The following RAB11FIP5 variants were observed in gnomAD, a reference collection of about 807,000 sequenced individuals.
RAB11FIP5 encodes RAB11 family interacting protein 5.
Under a neutral mutation model 85.1 loss-of-function variants are expected in RAB11FIP5, and 48 were observed. The observed-to-expected ratio is 0.56, with a 90% CI of 0.45 to 0.72. The LOEUF is 0.72. Among genes scored for constraint, RAB11FIP5 ranks in the 30% least tolerant of loss-of-function variants. The pLI is 0.00. For missense variants in RAB11FIP5, 1,491 were observed against 1,687.0 expected, an observed-to-expected ratio of 0.88 and a Z score of 2.04; for synonymous variants, 729 against 727.3, an observed-to-expected ratio of 1.00 and a Z score of -0.04.
intron 1 of RAB11FIP5, among the ~76,000 whole-genome samples, chr2:73,102,504 T>A (rs1449346931): frequency 3.3e-5 from 5 of 152,176 alleles, no homozygotes; most frequent in African/African-American, 1.2e-4. Flanking sequence ...AATTTTTTTT[T>A]AAGCCTGAAC....
intron 1 of RAB11FIP5, among the ~76,000 whole-genome samples, chr2:73,106,506 C>T (rs1684529497): frequency 6.6e-6 from 1 of 152,194 alleles, no homozygotes; most frequent in Non-Finnish European, 1.5e-5. Flanking sequence ...GAATCTCTCC[C>T]CCACCAGTGG....
Position 73,088,778 on chromosome 2 carries a change from G to A in RAB11FIP5, c.869-29C>T, listed in dbSNP as rs199971537. ...CAGGGGAAACACACAGAGTTAGCTC[G>A]CAGGAAGAGAGGCCCCATTTCCTGG... is the stretch of plus-strand genomic sequence containing the variant. On this transcript the variant is annotated intron_variant, in intron 2 of 5. Transcript: ENST00000486777. 69 of 1,548,618 alleles carry A rather than the reference G, an allele frequency of 4.5e-5. No individual in the cohort carries two copies. The East Asian group carries it at 6.3e-4, about 14-fold the overall frequency.
intron 1 of RAB11FIP5, 47 bp downstream of exon 1, chr2:73,112,300 C>T: frequency 6.7e-7 from 1 of 1,496,820 alleles, no homozygotes; most frequent in South Asian, 1.3e-5. Flanking sequence ...CCAGCCCCGC[C>T]CTGTTAGGCC....
rs1250413962 is a variant in RAB11FIP5 at position 73,081,068 on chromosome 2, G to C, written c.2164C>G (p.Pro722Ala). Reference protein sequence around the residue: ...GRGGSSVWLEPRVPLDLGPNH... With the variant: ...GRGGSSVWLEARVPLDLGPNH... ...GGTCCCAAGTCCAGAGGAACCCTGG[G>C]CTCCAGCCACACGCTGCTCCCACCT... The change falls in exon 4 of 6, where the codon CCC (proline) becomes GCC (alanine). Residue 722 changes from proline to alanine, a missense_variant. Around this residue, in one of 3 missense-constraint regions of RAB11FIP5, gnomAD observed 1,211 missense variants for 1,338.0 expected, o/e 0.91. Transcript: ENST00000486777. This position sits in a 1 kb window ranked among gnomAD's most constrained non-coding sequence, Gnocchi z 4.2. 8.1e-7 allele frequency: 1 copy of C among 1,232,680 alleles called. No individual in the cohort carries two copies. The highest frequency in any genetic ancestry group is 4.2e-5 in the Admixed American group (1 of 23,658). 76.4% of individuals were successfully genotyped at this position (1,232,680 alleles called of 1,614,324 possible).
intron 1 of RAB11FIP5, among the ~76,000 whole-genome samples, chr2:73,098,248 A>C (rs992672823): frequency 3.3e-5 from 5 of 152,172 alleles, no homozygotes; most frequent in Non-Finnish European, 5.9e-5. Context: ...TGAAATCTGA[A>C]ATGCTCCAAA....
In RAB11FIP5 at chr2:73,112,787, G is replaced by A. The variant is rs1324815573; in HGVS notation, c.-10C>T. The A allele has an allele frequency of 7.0e-7, 1 of 1,420,064 alleles. No individual in the cohort carries two copies. Among genetic ancestry groups the A allele is most frequent in the East Asian group, 2.8e-5 (1 of 35,806 alleles). The allele number at this position is 1,420,064 out of a possible 1,614,324, so 88.0% of individuals were successfully genotyped here. ...CCCGCACCAGGGCCATGGCGGAGAA[G>A]CGGGGGGCGAGGTCTGGCCGAGCCG... is the stretch of plus-strand genomic sequence containing the variant. On this transcript the variant is annotated 5_prime_UTR_variant, in exon 1 of 6. Coordinates refer to ENST00000486777, the MANE Select transcript of RAB11FIP5 (RefSeq NM_001371272.1).
chr2:73,089,245 A>T lies in RAB11FIP5; in HGVS notation c.502T>A (p.Phe168Ile). 6.2e-7 allele frequency: 1 copy of T among 1,614,100 alleles called. No homozygotes were observed. Among genetic ancestry groups the T allele is most frequent in the African/African-American group, 1.3e-5 (1 of 75,034 alleles). ...CTGGCGCTCAGGTTGTTGCGCGTGA[A>T]CTGGATGGTGACTTCAATCTCGCCG... ...ERGEIEVTIQ[F>I]TRNNLSASMF... Residue 168 changes from phenylalanine to isoleucine, a missense_variant, in exon 2 of 6, where the codon TTC becomes ATC. Around this residue, in one of 3 missense-constraint regions of RAB11FIP5, gnomAD observed 1,211 missense variants for 1,338.0 expected, o/e 0.91. Coordinates refer to ENST00000486777, the MANE Select transcript of RAB11FIP5 (RefSeq NM_001371272.1). The surrounding 1 kb of genome is among the most constrained non-coding windows in gnomAD (Gnocchi z 4.6).
intron 1 of RAB11FIP5, among the ~76,000 whole-genome samples, chr2:73,110,551 T>C (rs1374624783): frequency 4.0e-5 from 6 of 151,774 alleles, no homozygotes; most frequent in Admixed American, 3.3e-4. Flanking sequence ...GGAAAGATCC[T>C]GGTGGAAAAG....
Position 73,088,601 on chromosome 2 carries a change from A to G in RAB11FIP5, c.1017T>C (p.Asn339=), listed in dbSNP as rs756405843. The stretch of plus-strand genomic sequence containing the variant: ...GCTCCTCATTGTAAATGTGGCTCCC[A>G]TTGACACAGAGCGAAGAGCGGGAGG... The part of the protein sequence containing the change: ...DAASRSSLCV[N]GSHIYNEEPQ... Residue 339 remains asparagine, a synonymous_variant, in exon 3 of 6, where the codon AAT becomes AAC. Coordinates refer to ENST00000486777, the MANE Select transcript of RAB11FIP5 (RefSeq NM_001371272.1). 6.2e-7 allele frequency: 1 copy of G among 1,613,616 alleles called. No homozygotes were observed. Among genetic ancestry groups the G allele is most frequent in the Non-Finnish European group, 8.5e-7 (1 of 1,180,040 alleles).
chr2:73,110,178 T>C (rs1684610127), intron 1 of RAB11FIP5, among the ~76,000 whole-genome samples: 1 of 152,186 alleles, frequency 6.6e-6, no homozygotes, highest in South Asian at 2.1e-4. Context: ...CTCCTGGAGT[T>C]AAAGAATGGA....
At position 73,089,890 on chromosome 2, in the gene RAB11FIP5, C is replaced by T. The variant is rs1260664954; in HGVS notation, c.432-575G>A. ...ATACACTCATGTATGTATACACACA[C>T]ACACACACACACACACACACACACA... On this transcript the variant is annotated intron_variant, in intron 1 of 5. Coordinates refer to ENST00000486777, the MANE Select transcript of RAB11FIP5 (RefSeq NM_001371272.1). The surrounding 1 kb of genome is among the most constrained non-coding windows in gnomAD (Gnocchi z 4.6). Among the ~76,000 whole-genome samples, 1 of 78,004 alleles carries T rather than the reference C, an allele frequency of 1.3e-5. No homozygotes were observed. Among genetic ancestry groups the T allele is most frequent in the African/African-American group, 9.6e-5 (1 of 10,464 alleles). The allele number at this position is 78,004 out of a possible 152,430, so 51.2% of individuals were successfully genotyped here.
At chr2:73,104,387 G>A (rs889976264) in intron 1 of RAB11FIP5, among the ~76,000 whole-genome samples, 9 of 152,082 alleles carry the variant, frequency 5.9e-5, no homozygotes, top group Non-Finnish European at 1.3e-4. Context: ...AGACCAGCCT[G>A]GCCAACATGG....
At position 73,089,097 on chromosome 2, in the gene RAB11FIP5, A is replaced by G. The variant is rs1274531805; in HGVS notation, c.650T>C (p.Ile217Thr). 2 of 1,614,182 alleles carry G rather than the reference A, an allele frequency of 1.2e-6. No homozygotes were observed. Among genetic ancestry groups the G allele is most frequent in the Non-Finnish European group, 1.7e-6 (2 of 1,180,020 alleles). The change falls in exon 2 of 6, where the codon ATA (isoleucine) becomes ACA (threonine). Residue 217 changes from isoleucine (I) to threonine (T), a missense_variant. Ile to Thr is a moderately conservative substitution (Grantham distance 89). Around this residue, in one of 3 missense-constraint regions of RAB11FIP5, gnomAD observed 1,211 missense variants for 1,338.0 expected, o/e 0.91. Transcript: ENST00000486777. This position sits in a 1 kb window ranked among gnomAD's most constrained non-coding sequence, Gnocchi z 4.6. ...SASAILPSSAIEDPDLGSLGK... is the reference protein window; with the variant it reads ...SASAILPSSATEDPDLGSLGK... ...CAGGCTGCCCAGGTCAGGATCCTCT[A>G]TGGCGCTGCTTGGGAGGATGGCAGA...
chr2:73,098,906 C>G (rs1380720386), intron 1 of RAB11FIP5, among the ~76,000 whole-genome samples: 3 of 152,098 alleles, frequency 2.0e-5, no homozygotes, highest in African/African-American at 7.2e-5. Flanking sequence ...CACATTTTAG[C>G]TGTTACGGAT....
At chr2:73,105,437 C>A (rs1416170870) in intron 1 of RAB11FIP5, among the ~76,000 whole-genome samples, 2 of 151,958 alleles carry the variant, frequency 1.3e-5, no homozygotes, top group Non-Finnish European at 2.9e-5. Context: ...GAAATGGAGT[C>A]TTGCTATGTT....
rs1254105904 is a variant in RAB11FIP5, at chr2:73,086,851, T to C, written c.1568+1199A>G. 6.6e-6 allele frequency among the ~76,000 whole-genome samples: 1 copy of C among 152,056 alleles called. No individual in the cohort carries two copies. Among genetic ancestry groups the C allele is most frequent in the African/African-American group, 2.4e-5 (1 of 41,360 alleles). ...AGGGAGGCAAGGGGTGGCATGCCCC[T>C]GAAACTGATCCACCCCCCCATACCC... On this transcript the variant is annotated intron_variant, in intron 3 of 5. Transcript: ENST00000486777. The surrounding 1 kb of genome is among the most constrained non-coding windows in gnomAD (Gnocchi z 4.4).
rs1684135183 is a variant in RAB11FIP5 at position 73,088,400 on chromosome 2, C to T, written c.1218G>A (p.Leu406=). 1.2e-6 allele frequency: 2 copies of T among 1,613,800 alleles called. No individual in the cohort carries two copies. The highest frequency in any genetic ancestry group is 1.7e-5 in the Admixed American group (1 of 60,012). ...GGGCCAGGACTTTAGCCTGAGCACTCAGCTCCTCCTGTCCAAGCACTGCCT... is the reference window on the plus strand; with the variant it reads ...GGGCCAGGACTTTAGCCTGAGCACTTAGCTCCTCCTGTCCAAGCACTGCCT... ...SSEAVLGQEE[L]SAQAKVLAPG... Residue 406 remains leucine, a synonymous_variant, in exon 3 of 6, where the codon CTG becomes CTA. Transcript: ENST00000486777.
At chr2:73,096,118 C>T (rs999741043) in intron 1 of RAB11FIP5, among the ~76,000 whole-genome samples, 6 of 152,182 alleles carry the variant, frequency 3.9e-5, no homozygotes, top group Non-Finnish European at 1.5e-5. Context: ...ACTTGGGTCT[C>T]GGCCCTCAGC....
At position 73,075,394 on chromosome 2, in the gene RAB11FIP5, A is replaced by G. The variant is rs1479897804; in HGVS notation, c.*127T>C. ...TTCCAGCAGCCCCAGTTGAGGCAGG[A>G]GGGAGAGGAGCAAGGAGTGACAAGG... is the stretch of plus-strand genomic sequence containing the variant. On this transcript the variant is annotated 3_prime_UTR_variant, in exon 6 of 6. Coordinates refer to ENST00000486777, the MANE Select transcript of RAB11FIP5 (RefSeq NM_001371272.1). This position sits in a 1 kb window ranked among gnomAD's most constrained non-coding sequence, Gnocchi z 4.6. 1 of 972,610 alleles carries G rather than the reference A, an allele frequency of 1.0e-6. No individual in the cohort carries two copies. Among genetic ancestry groups the G allele is most frequent in the African/African-American group, 1.6e-5 (1 of 62,790 alleles). 60.2% of individuals were successfully genotyped at this position (972,610 alleles called of 1,614,324 possible).
Sources: allele counts gnomAD v4.1 joint callset (sites outside exome capture counted in the v4.1 genomes callset), GRCh38; gene constraint gnomAD v4.1.1; regional missense constraint gnomAD v4.1.1; non-coding constraint Gnocchi (gnomAD v3.1); transcripts MANE v1.5; gene names NCBI Gene and HGNC (gene_info 2026-07-23, HGNC 2026-07-21).